Variants in PDE4B observed in about 807,000 individuals in gnomAD.
The protein encoded by PDE4B is 3',5'-cyclic-AMP phosphodiesterase 4B.
Under a neutral mutation model 82.2 loss-of-function variants are expected in PDE4B, and 20 were observed. The observed-to-expected ratio is 0.24, with a 90% CI of 0.17 to 0.35. PDE4B has a LOEUF of 0.35. Ranked by LOEUF, PDE4B falls within the 10% of genes least tolerant of loss-of-function variation. PDE4B has a pLI of 1.00. For missense variants in PDE4B, 655 were observed against 907.2 expected (o/e 0.72, Z 3.57); for synonymous variants, 320 against 318.9 (o/e 1.00, Z -0.04).
intron 7 of PDE4B, among the ~76,000 whole-genome samples, chr1:66,307,366 G>A (rs545084075): frequency 2.0e-4 from 31 of 152,214 alleles, no homozygotes; most frequent in Non-Finnish European, 3.5e-4. Context: ...ACTGAAATTG[G>A]TGAGGTCCTG....
At chr1:65,890,133 A>AT (rs1646836816) in intron 1 of PDE4B, among the ~76,000 whole-genome samples, 2 of 150,850 alleles carry the variant, frequency 1.3e-5, no homozygotes, top group African/African-American at 5.0e-5. Context: ...AAGCTTGACA[A>AT]ATTTTTTTTT....
At chr1:66,136,303 C>T (rs1283888509) in intron 3 of PDE4B, among the ~76,000 whole-genome samples, 1 of 152,154 alleles carries the variant, frequency 6.6e-6, no homozygotes, top group African/African-American at 2.4e-5. Context: ...GTAGAATGAA[C>T]CCCATTTTTA....
At chr1:66,069,342 C>G in intron 3 of PDE4B, among the ~76,000 whole-genome samples, 1 of 151,762 alleles carries the variant, frequency 6.6e-6, no homozygotes, top group East Asian at 1.9e-4. Context: ...TGTGAAATAC[C>G]CTCCTTGACT....
chr1:66,254,209 C>T (rs983571002), intron 4 of PDE4B, among the ~76,000 whole-genome samples: 1 of 151,952 alleles, frequency 6.6e-6, no homozygotes, highest in African/African-American at 2.4e-5. Flanking sequence ...GAACACTTCA[C>T]TTGACTAGCC....
At position 65,950,948 on chromosome 1, in the gene PDE4B, C is replaced by T. The variant is rs996483879; in HGVS notation, c.281+32113C>T. ...AGGTAAGAAATACATTTCTTTAAAC[C>T]GTCTGGAAATCTTCTATAGTCTTGG... On this transcript the variant is annotated intron_variant, in intron 3 of 16. Transcript: ENST00000341517. Among the ~76,000 whole-genome samples, 11 of 152,100 alleles carry T rather than the reference C, an allele frequency of 7.2e-5. No individual in the cohort carries two copies. The East Asian group carries it at 1.4e-3, about 19-fold the overall frequency.
At chr1:65,866,007 G>A (rs909211667) in intron 1 of PDE4B, among the ~76,000 whole-genome samples, 2 of 152,074 alleles carry the variant, frequency 1.3e-5, no homozygotes, top group Non-Finnish European at 2.9e-5. Context: ...GCTGTCCCAA[G>A]ATTTGGACTC....
chr1:66,167,839 G>T (rs1315355203), intron 3 of PDE4B, among the ~76,000 whole-genome samples: 1 of 152,002 alleles, frequency 6.6e-6, no homozygotes, highest in Admixed American at 6.6e-5. Context: ...GATCATCTTT[G>T]CTAATTTTAT....
chr1:65,870,940 C>T (rs1646565952), intron 1 of PDE4B, among the ~76,000 whole-genome samples: 1 of 152,074 alleles, frequency 6.6e-6, no homozygotes, highest in Admixed American at 6.6e-5. Flanking sequence ...GAGAGTTAGA[C>T]ACCAAATTAC....
At chr1:66,290,453 G>T (rs1209766519) in intron 7 of PDE4B, among the ~76,000 whole-genome samples, 1 of 152,176 alleles carries the variant, frequency 6.6e-6, no homozygotes, top group African/African-American at 2.4e-5. Flanking sequence ...TCATCTGATG[G>T]TCTACATTGT....
intron 7 of PDE4B, among the ~76,000 whole-genome samples, chr1:66,281,686 T>A (rs1214941940): frequency 4.6e-5 from 7 of 152,238 alleles, no homozygotes; most frequent in Non-Finnish European, 7.3e-5. Flanking sequence ...AAAGCATTTG[T>A]TTCAAATACA....
intron 3 of PDE4B, among the ~76,000 whole-genome samples, chr1:66,194,220 A>G (rs1648078032): frequency 6.6e-6 from 1 of 152,028 alleles, no homozygotes; most frequent in African/African-American, 2.4e-5. Flanking sequence ...TTTGTGTCTA[A>G]CCTTTTAGTA....
chr1:65,874,592 A>G (rs1646616331), intron 1 of PDE4B, among the ~76,000 whole-genome samples: 1 of 152,126 alleles, frequency 6.6e-6, no homozygotes, highest in African/African-American at 2.4e-5. Context: ...TGGTACCAAA[A>G]CAGAGATATA....
intron 3 of PDE4B, among the ~76,000 whole-genome samples, chr1:65,976,213 A>C (rs1426545655): frequency 1.3e-5 from 2 of 152,202 alleles, no homozygotes; most frequent in Non-Finnish European, 2.9e-5. Context: ...GATGAGAGAC[A>C]TGGAGTCTAA....
intron 3 of PDE4B, among the ~76,000 whole-genome samples, chr1:66,129,552 T>C (rs1401509822): frequency 3.4e-4 from 51 of 148,346 alleles, no homozygotes; most frequent in South Asian, 2.1e-4. Flanking sequence ...CCCAGCTACT[T>C]GGGAGGCTGA....
intron 3 of PDE4B, among the ~76,000 whole-genome samples, chr1:66,110,062 A>T (rs909217522): frequency 2.0e-5 from 3 of 151,948 alleles, no homozygotes; most frequent in African/African-American, 7.2e-5. Context: ...AATTTCCAAC[A>T]CTGCAGTGGA....
At chr1:66,222,571 T>C (rs1403512233) in intron 3 of PDE4B, among the ~76,000 whole-genome samples, 2 of 152,238 alleles carry the variant, frequency 1.3e-5, no homozygotes, top group African/African-American at 4.8e-5. Context: ...AAGGAGAAGA[T>C]AAAAGTTTTA....
intron 3 of PDE4B, among the ~76,000 whole-genome samples, chr1:66,017,446 A>G (rs890293546): frequency 2.0e-5 from 3 of 152,200 alleles, no homozygotes; most frequent in African/African-American, 7.2e-5. Flanking sequence ...TTTATTTAGC[A>G]TTTCTATAAG....
At chr1:66,291,270 T>C (rs1657057917) in intron 7 of PDE4B, among the ~76,000 whole-genome samples, 1 of 152,064 alleles carries the variant, frequency 6.6e-6, no homozygotes, top group Admixed American at 6.6e-5. Flanking sequence ...TTAGGGAGGT[T>C]AAATAATTTT....
intron 3 of PDE4B, among the ~76,000 whole-genome samples, chr1:66,213,179 C>G (rs1186869365): frequency 6.6e-6 from 1 of 152,188 alleles, no homozygotes; most frequent in Non-Finnish European, 1.5e-5. Flanking sequence ...CTGTAGGAAT[C>G]TCCTGGAGAT....
Sources: gnomAD v4.1 joint callset for allele counts (sites outside exome capture counted in the v4.1 genomes callset) on GRCh38, gnomAD v4.1.1 for gene constraint, MANE v1.5 for transcripts, NCBI Gene and HGNC (gene_info 2026-07-23, HGNC 2026-07-21) for gene names.